Variants in NMT2 observed in about 807,000 individuals in gnomAD.
The protein encoded by NMT2 is N-myristoyltransferase 2, also known as glycylpeptide N-tetradecanoyltransferase 2.
A neutral mutation model predicts 65.4 loss-of-function variants in NMT2; 35 were observed. That is an observed-to-expected ratio of 0.54 (90% CI 0.41 to 0.71). The LOEUF is 0.71. Among genes scored for constraint, NMT2 ranks in the 30% least tolerant of loss-of-function variants. The pLI is 0.00. For synonymous variants in NMT2, 226 were observed against 231.8 expected, an observed-to-expected ratio of 0.98 and a Z score of 0.23; for missense variants, 489 against 611.3, an observed-to-expected ratio of 0.80 and a Z score of 2.11.
rs7077202 is a variant in NMT2, at chr10:15,122,884, C to T, written c.1000-3371G>A. ...TGGAAGACTTCACAGTATACTCAGA[C>T]GAGAATGAAAGTGAAAAAATTACAT... On this transcript the variant is annotated intron_variant, in intron 8 of 11. Coordinates refer to ENST00000378165, the MANE Select transcript of NMT2 (RefSeq NM_004808.3). 4.6e-5 allele frequency among the ~76,000 whole-genome samples: 7 copies of T among 151,278 alleles called. No individual in the cohort carries two copies. The East Asian group carries it at 5.8e-4, about 13-fold the overall frequency.
intron 8 of NMT2, among the ~76,000 whole-genome samples, chr10:15,121,002 C>G (rs1845910435): frequency 6.6e-6 from 1 of 152,154 alleles, no homozygotes; most frequent in Non-Finnish European, 1.5e-5. Flanking sequence ...TGAATTTGTT[C>G]AGCTGTTGTC....
intron 1 of NMT2, among the ~76,000 whole-genome samples, chr10:15,161,081 C>CAA (rs750859200): frequency 0.024 from 464 of 19,266 alleles, 43 homozygotes; most frequent in African/African-American, 0.031. Context: ...CCTCAAAAAT[C>CAA]AAAAAAAAAA....
chr10:15,130,202 C>G lies in NMT2; in HGVS notation c.830G>C (p.Gly277Ala). Residue 277 changes from glycine (G) to alanine (A), a missense_variant, in exon 7 of 12, where the codon GGG becomes GCG. Physicochemically the swap from Gly to Ala is moderately conservative, Grantham distance 60. Coordinates refer to ENST00000378165, the MANE Select transcript of NMT2 (RefSeq NM_004808.3). Reference sequence around the variant, plus strand: ...CGCGGTGTACACAGCCTGGAAGATCCCTTCCAGGTTCACTCTTCTAGTGAT... The same window carrying G: ...CGCGGTGTACACAGCCTGGAAGATCGCTTCCAGGTTCACTCTTCTAGTGAT... ...REITRRVNLE[G>A]IFQAVYTAGV... is the part of the protein sequence containing the mutation. 1 of 1,604,812 alleles carries G rather than the reference C, an allele frequency of 6.2e-7. No homozygotes were observed. Among genetic ancestry groups the G allele is most frequent in the East Asian group, 2.2e-5 (1 of 44,476 alleles).
At chr10:15,129,571 C>A (rs1219885882) in intron 7 of NMT2, among the ~76,000 whole-genome samples, 1 of 152,178 alleles carries the variant, frequency 6.6e-6, no homozygotes, top group East Asian at 1.9e-4. Context: ...GAAAACTGAT[C>A]TTTGGGGTGG....
chr10:15,147,585 GA>G (rs1847010510), intron 1 of NMT2, among the ~76,000 whole-genome samples: 1 of 151,736 alleles, frequency 6.6e-6, no homozygotes, highest in Non-Finnish European at 1.5e-5. Flanking sequence ...GAGAAAAACT[GA>G]ATTCCTATAT....
intron 8 of NMT2, among the ~76,000 whole-genome samples, chr10:15,120,965 A>G (rs1845909297): frequency 6.6e-6 from 1 of 152,094 alleles, no homozygotes; most frequent in Non-Finnish European, 1.5e-5. Context: ...GGAATAAAAC[A>G]CCTAAAAGTC....
chr10:15,167,308 T>C (rs1440853849), intron 1 of NMT2, among the ~76,000 whole-genome samples: 5 of 152,236 alleles, frequency 3.3e-5, no homozygotes, highest in South Asian at 4.1e-4. Flanking sequence ...TCTTCATTTG[T>C]TAATATTTTA....
chr10:15,114,340 C>A (rs1038142938), intron 9 of NMT2, among the ~76,000 whole-genome samples: 1 of 152,186 alleles, frequency 6.6e-6, no homozygotes. Context: ...ATTACTGTTT[C>A]CTCTCTTGCT....
intron 9 of NMT2, among the ~76,000 whole-genome samples, chr10:15,113,463 CAAAAAAAAAAAA>C (rs1169255963): frequency 1.6e-3 from 58 of 37,002 alleles, no homozygotes; most frequent in Middle Eastern, 0.02. Context: ...GGATGAGACT[CAAAAAAAAAAAA>C]AAAAAAAAAA....
intron 10 of NMT2, among the ~76,000 whole-genome samples, chr10:15,111,277 G>A (rs764012677): frequency 1.3e-4 from 19 of 151,688 alleles, no homozygotes; most frequent in Non-Finnish European, 2.7e-4. Flanking sequence ...TTGGGAGGCC[G>A]CAGCAGGTGG....
At position 15,107,319 on chromosome 10, in the gene NMT2, T is replaced by G. The variant is rs1039310386; in HGVS notation, c.*1876A>C. ...TGGATTTAGCCCACAGGCCATAGTT[T>G]GGTGGCCCCTGCCTGGGATAAGATA... On this transcript the variant is annotated 3_prime_UTR_variant, in exon 12 of 12. Transcript: ENST00000378165. The G allele has an allele frequency of 4.1e-6, 4 of 981,718 alleles. No homozygotes were observed. Among genetic ancestry groups the G allele is most frequent in the Non-Finnish European group, 4.8e-6 (4 of 826,466 alleles). The allele number at this position is 981,718 out of a possible 1,614,324, so 60.8% of individuals were successfully genotyped here.
At chr10:15,130,513 C>T (rs1014145181) in intron 6 of NMT2, among the ~76,000 whole-genome samples, 2 of 151,334 alleles carry the variant, frequency 1.3e-5, no homozygotes, top group Non-Finnish European at 2.9e-5. Flanking sequence ...TCCAGACCAG[C>T]CTGGGCAACA....
intron 8 of NMT2, among the ~76,000 whole-genome samples, chr10:15,120,180 G>A (rs538081402): frequency 6.0e-4 from 91 of 152,274 alleles, no homozygotes; most frequent in Non-Finnish European, 1.1e-3. Flanking sequence ...ACAGGACAGG[G>A]GGCATGGTGG....
rs1589313553 is a variant in NMT2 at position 15,128,916 on chromosome 10, A to C, written c.891-458T>G. ...GCTACTCGGGAGGCTGAGGCAGGAG[A>C]ATCACTTGAACCTGGGAGGCAGAGG... On this transcript the variant is annotated intron_variant, in intron 7 of 11. Coordinates refer to ENST00000378165, the MANE Select transcript of NMT2 (RefSeq NM_004808.3). Among the ~76,000 whole-genome samples, 2 of 152,264 alleles carry C rather than the reference A, an allele frequency of 1.3e-5. 1 individual carries two copies. Among genetic ancestry groups the C allele is most frequent in the East Asian group, 3.9e-4 (2 of 5,170 alleles).
At chr10:15,110,204 T>C (rs1336719415) in intron 10 of NMT2, among the ~76,000 whole-genome samples, 1 of 149,574 alleles carries the variant, frequency 6.7e-6, no homozygotes, top group Non-Finnish European at 1.5e-5. Flanking sequence ...GCCTGGGAGG[T>C]AGAGGTGGCA....
chr10:15,139,982 TAGAG>T (rs1477675200), intron 2 of NMT2, among the ~76,000 whole-genome samples: 1 of 144,428 alleles, frequency 6.9e-6, no homozygotes, highest in African/African-American at 2.5e-5. Flanking sequence ...AACTGCGAGT[TAGAG>T]AGAAGAGAAG....
At chr10:15,135,797 T>G in intron 2 of NMT2, among the ~76,000 whole-genome samples, 1 of 149,382 alleles carries the variant, frequency 6.7e-6, no homozygotes, top group Non-Finnish European at 1.5e-5. Context: ...ACTGTCAGAG[T>G]AAATGCTCTG....
At chr10:15,138,409 G>A (rs1846597978) in intron 2 of NMT2, 1 of 471,126 alleles carries the variant, frequency 2.1e-6, no homozygotes, top group Non-Finnish European at 4.4e-6. Flanking sequence ...CATTTCTCAT[G>A]CCTGTCCATT....
intron 2 of NMT2, among the ~76,000 whole-genome samples, chr10:15,139,006 G>A (rs538672533): frequency 6.6e-6 from 1 of 152,244 alleles, no homozygotes; most frequent in African/African-American, 2.4e-5. Flanking sequence ...CTTAATCTGG[G>A]TGGGCACAAT....
Sources: gnomAD v4.1 joint callset for allele counts (sites outside exome capture counted in the v4.1 genomes callset) on GRCh38, gnomAD v4.1.1 for gene constraint, MANE v1.5 for transcripts, NCBI Gene and HGNC (gene_info 2026-07-23, HGNC 2026-07-21) for gene names.